The following CUBN variants were observed in gnomAD, a reference collection of about 807,000 sequenced individuals.
CUBN encodes 460 kDa receptor.
Under a neutral mutation model 405.3 loss-of-function variants are expected in CUBN, and 282 were observed. The ratio of observed to expected loss-of-function variants is 0.70; its 90% confidence interval spans 0.63 to 0.77. The LOEUF is 0.77. Ranked by LOEUF, CUBN falls within the 30% of genes least tolerant of loss-of-function variation. CUBN has a pLI of 0.00. For missense variants in CUBN, 4,514 were observed against 4,475.2 expected (o/e 1.01, Z -0.25); for synonymous variants, 1,684 against 1,617.0 (o/e 1.04, Z -0.99).
intron 44 of CUBN, among the ~76,000 whole-genome samples, 165 bp downstream of exon 44, chr10:16,919,798 A>G (rs908254093): frequency 1.3e-5 from 2 of 152,138 alleles, no homozygotes; most frequent in Non-Finnish European, 2.9e-5. Context: ...CTGATGGGAG[A>G]GTGGCTGGCC....
intron 28 of CUBN, among the ~76,000 whole-genome samples, chr10:17,009,032 C>T (rs1834107144): frequency 6.6e-6 from 1 of 152,202 alleles, no homozygotes; most frequent in Non-Finnish European, 1.5e-5. Flanking sequence ...GGCTCCCCTT[C>T]TCAGGTTATC....
chr10:17,028,542 G>A (rs1444973048), intron 27 of CUBN, among the ~76,000 whole-genome samples: 2 of 151,830 alleles, frequency 1.3e-5, no homozygotes, highest in Admixed American at 6.6e-5. Flanking sequence ...CCATCAAGGC[G>A]AAACCCTGTC....
chr10:16,935,879 C>CAAAAAAAAAAAAAAAA (rs369098280), intron 39 of CUBN, among the ~76,000 whole-genome samples: 7 of 71,288 alleles, frequency 9.8e-5, no homozygotes, highest in Non-Finnish European at 1.3e-4. Context: ...GACTCCATCT[C>CAAAAAAAAAAAAAAAA]AAAAAAAAAA....
intron 59 of CUBN, among the ~76,000 whole-genome samples, chr10:16,860,858 T>C (rs1214528150): frequency 6.6e-6 from 1 of 152,228 alleles, no homozygotes; most frequent in African/African-American, 2.4e-5. Flanking sequence ...TTCTAACTTT[T>C]TCCCTGGAAT....
At chr10:16,873,251 A>G (rs2131372747) in intron 58 of CUBN, among the ~76,000 whole-genome samples, 1 of 152,248 alleles carries the variant, frequency 6.6e-6, no homozygotes, top group South Asian at 2.1e-4. Context: ...TCAGGTGAAA[A>G]CAGTCTTGAA....
intron 36 of CUBN, 34 bp from the exon 37 acceptor site, chr10:16,940,271 A>C: frequency 1.3e-6 from 2 of 1,573,130 alleles, no homozygotes; most frequent in Non-Finnish European, 1.7e-6. Flanking sequence ...AAAGGGATTA[A>C]ATTGAGAGAA....
chr10:16,963,746 A>G (rs1843308138), intron 31 of CUBN, among the ~76,000 whole-genome samples: 1 of 152,248 alleles, frequency 6.6e-6, no homozygotes, highest in Non-Finnish European at 1.5e-5. Context: ...ATCTGTATGC[A>G]TTACAATGCA....
chr10:17,012,819 G>C (rs1460083688), intron 28 of CUBN, among the ~76,000 whole-genome samples: 2 of 152,150 alleles, frequency 1.3e-5, no homozygotes, highest in East Asian at 1.9e-4. Flanking sequence ...GCTTCCATAA[G>C]AGTTTCCTGA....
At chr10:17,020,009 T>C in intron 27 of CUBN, 26 bp from the exon 28 acceptor site, 2 of 1,613,520 alleles carry the variant, frequency 1.2e-6, no homozygotes, top group Admixed American at 1.7e-5. Flanking sequence ...AACTTTCCCA[T>C]ATAAAAACAC....
intron 39 of CUBN, among the ~76,000 whole-genome samples, chr10:16,936,357 TTAGA>T (rs1167892868): frequency 1.3e-5 from 2 of 152,220 alleles, no homozygotes; most frequent in Admixed American, 6.5e-5. Flanking sequence ...TTCTTTGCTC[TTAGA>T]TAGACAGATC....
chr10:17,055,448 C>G (rs1564497002), intron 22 of CUBN, among the ~76,000 whole-genome samples: 1 of 151,634 alleles, frequency 6.6e-6, no homozygotes, highest in Non-Finnish European at 1.5e-5. Context: ...GAAAGAGGGA[C>G]AGAGAGAGAG....
intron 27 of CUBN, among the ~76,000 whole-genome samples, chr10:17,023,882 C>T (rs1005303107): frequency 2.0e-5 from 3 of 152,052 alleles, no homozygotes; most frequent in Non-Finnish European, 4.4e-5. Flanking sequence ...TCTTCAGATG[C>T]GGAGATGTGT....
chr10:17,086,056 C>T (rs949269757), intron 15 of CUBN, among the ~76,000 whole-genome samples: 1 of 151,698 alleles, frequency 6.6e-6, no homozygotes, highest in African/African-American at 2.4e-5. Flanking sequence ...ACCTCCACCT[C>T]CCAGGTTCAA....
chr10:17,058,705 T>C (rs1040516832), intron 22 of CUBN, among the ~76,000 whole-genome samples: 3 of 152,110 alleles, frequency 2.0e-5, no homozygotes, highest in African/African-American at 7.2e-5. Context: ...ATTTCTTCCC[T>C]TGACAATATA....
chr10:16,833,761 G>T (rs1453242296), intron 64 of CUBN, among the ~76,000 whole-genome samples: 28 of 152,210 alleles, frequency 1.8e-4, no homozygotes, highest in Non-Finnish European at 4.4e-5. Context: ...CCGCTAGAAA[G>T]AATCGTCCCA....
chr10:17,008,290 G>C (rs1043495841), intron 28 of CUBN, among the ~76,000 whole-genome samples: 23 of 143,020 alleles, frequency 1.6e-4, no homozygotes, highest in African/African-American at 5.8e-4. Context: ...AGCACTGAGA[G>C]TAATTTTTAC....
chr10:16,992,416 G>A (rs1260785119), intron 28 of CUBN, among the ~76,000 whole-genome samples: 1 of 152,110 alleles, frequency 6.6e-6, no homozygotes, highest in African/African-American at 2.4e-5. Flanking sequence ...AAAAGTAACA[G>A]TGCCTCCTCA....
rs774493547 is a variant in CUBN at position 17,019,835 on chromosome 10, TA to T, written c.4165del (p.Tyr1389ThrfsTer74). 3.1e-5 allele frequency: 50 copies of T among 1,613,976 alleles called. No individual in the cohort carries two copies. The African/African-American group carries it at 6.1e-4, about 20-fold the overall frequency. On this transcript the variant is annotated frameshift_variant, in exon 28 of 67. Coordinates refer to ENST00000377833, the MANE Select transcript of CUBN (RefSeq NM_001081.4). LOFTEE classifies it high-confidence loss of function. ...EKGFQMQWFV[Y>X]GCGGELSGAT... ...ACTGAGATCAGCACCTGGCTTACCG[TA>T]AACAAACCACTGCATCTGAAATCCT... is the stretch of plus-strand genomic sequence containing the variant.
At chr10:16,850,199 G>A (rs911760535) in intron 60 of CUBN, among the ~76,000 whole-genome samples, 3 of 152,186 alleles carry the variant, frequency 2.0e-5, no homozygotes, top group Non-Finnish European at 2.9e-5. Context: ...AGCCTGCATC[G>A]AATGCATTCA....
Sources: allele counts gnomAD v4.1 joint callset (sites outside exome capture counted in the v4.1 genomes callset), GRCh38; gene constraint gnomAD v4.1.1; transcripts MANE v1.5; gene names NCBI Gene and HGNC (gene_info 2026-07-23, HGNC 2026-07-21).